The following TCF7L2 variants were observed in gnomAD, a reference collection of about 807,000 sequenced individuals.
TCF7L2 encodes the protein transcription factor 7-like 2.
TCF7L2 carries 23 observed loss-of-function variants against 77.9 expected under a neutral mutation model. The observed-to-expected ratio is 0.30, with a 90% CI of 0.21 to 0.42. TCF7L2 has a LOEUF of 0.42. TCF7L2 is among the 10% of genes least tolerant of loss of function. TCF7L2 has a pLI of 1.00. For missense variants in TCF7L2, 654 were observed against 793.1 expected (o/e 0.82, Z 2.11); for synonymous variants, 413 against 340.2 (o/e 1.21, Z -2.36).
At chr10:112,958,001 G>A (rs1207066045) in intron 3 of TCF7L2, among the ~76,000 whole-genome samples, 3 of 152,148 alleles carry the variant, frequency 2.0e-5, no homozygotes, top group Admixed American at 1.3e-4. Context: ...GACCCAGGCC[G>A]AAAGGTTTTC....
At chr10:113,110,241 T>C (rs2062945421) in intron 5 of TCF7L2, among the ~76,000 whole-genome samples, 1 of 152,208 alleles carries the variant, frequency 6.6e-6, no homozygotes, top group Non-Finnish European at 1.5e-5. Flanking sequence ...GTTGTTATAC[T>C]AGGTTCTAAT....
At chr10:112,992,309 T>C (rs994548926) in intron 4 of TCF7L2, among the ~76,000 whole-genome samples, 1 of 152,140 alleles carries the variant, frequency 6.6e-6, no homozygotes, top group African/African-American at 2.4e-5. Flanking sequence ...GTCGGTAGCA[T>C]AGATTCCATT....
At chr10:113,095,672 C>T (rs974375507) in intron 5 of TCF7L2, among the ~76,000 whole-genome samples, 3 of 152,204 alleles carry the variant, frequency 2.0e-5, no homozygotes, top group African/African-American at 7.2e-5. Context: ...CCTCATTGTT[C>T]ACCATTCCTT....
intron 4 of TCF7L2, among the ~76,000 whole-genome samples, chr10:112,964,832 G>A (rs1229333418): frequency 6.7e-6 from 1 of 150,178 alleles, no homozygotes; most frequent in Non-Finnish European, 1.5e-5. Flanking sequence ...TTGAATCACT[G>A]GGGGAGAAGG....
intron 5 of TCF7L2, chr10:113,129,313 T>G: frequency 2.0e-6 from 2 of 986,526 alleles, no homozygotes; most frequent in Non-Finnish European, 2.4e-6. Context: ...TCATTTTCCC[T>G]CATGGCTGAC....
chr10:113,166,612 A>G lies in TCF7L2; in HGVS notation c.*640A>G, dbSNP rs919720787. 8 of 230,144 alleles carry G rather than the reference A, an allele frequency of 3.5e-5. No homozygotes were observed. Among genetic ancestry groups the G allele is most frequent in the Non-Finnish European group, 6.0e-5 (7 of 116,140 alleles). The allele number at this position is 230,144 out of a possible 1,614,324, so 14.3% of individuals were successfully genotyped here. On this transcript the variant is annotated 3_prime_UTR_variant, in exon 14 of 14. Transcript: ENST00000627217. ...CTACTCAACACTTAATAGAATCACAACGCTGTTGGGCCAGTAGTATTTATT... is the reference window on the plus strand; with the variant it reads ...CTACTCAACACTTAATAGAATCACAGCGCTGTTGGGCCAGTAGTATTTATT...
At position 112,975,208 on chromosome 10, in the gene TCF7L2, CAT is replaced by C. The variant is rs374278557; in HGVS notation, c.450+10587_450+10588del. On this transcript the variant is annotated intron_variant, in intron 4 of 13. Transcript: ENST00000627217. ...TATAAAAAGAAACATTCACATCAAA[CAT>C]ATGTGGAGTCTTTGAAGCATCTTCA... is the stretch of plus-strand genomic sequence containing the variant. Among the ~76,000 whole-genome samples the C allele has an allele frequency of 5.7e-3, 872 of 152,312 alleles. 10 individuals are homozygous for C. Among genetic ancestry groups the C allele is most frequent in the African/African-American group, 0.019 (799 of 41,566 alleles).
At chr10:113,060,059 A>G (rs1042247760) in intron 5 of TCF7L2, among the ~76,000 whole-genome samples, 4 of 152,238 alleles carry the variant, frequency 2.6e-5, no homozygotes, top group Non-Finnish European at 5.9e-5. Flanking sequence ...GTGATTTCTG[A>G]TAACATTTAC....
At chr10:113,085,411 C>T (rs913518108) in intron 5 of TCF7L2, among the ~76,000 whole-genome samples, 1 of 151,938 alleles carries the variant, frequency 6.6e-6, no homozygotes, top group Non-Finnish European at 1.5e-5. Context: ...TCTCTGGAGG[C>T]CTTTGTATTT....
intron 4 of TCF7L2, among the ~76,000 whole-genome samples, chr10:112,996,491 C>G (rs1172492304): frequency 6.6e-6 from 1 of 152,206 alleles, no homozygotes; most frequent in Admixed American, 6.5e-5. Flanking sequence ...GATGGTTGCA[C>G]TCTCAAACCA....
At chr10:112,996,926 A>G (rs1402281044) in intron 4 of TCF7L2, among the ~76,000 whole-genome samples, 1 of 152,056 alleles carries the variant, frequency 6.6e-6, no homozygotes, top group African/African-American at 2.4e-5. Flanking sequence ...TGGCTTGGGG[A>G]GAGAGAGGAA....
In TCF7L2 at chr10:113,158,663, T is replaced by C. The variant is rs746018642; in HGVS notation, c.1318+594T>C. 5.6e-5 allele frequency: 90 copies of C among 1,613,674 alleles called. No individual in the cohort carries two copies. The highest frequency in any genetic ancestry group is 1.6e-4 in the Middle Eastern group (1 of 6,084). ...GCTTTGTATAATTTGTTCTTTTTTTTCAGAACACAGCGAATGTTTCCTAAA... is the reference window on the plus strand; with the variant it reads ...GCTTTGTATAATTTGTTCTTTTTTTCCAGAACACAGCGAATGTTTCCTAAA... On this transcript the variant is annotated intron_variant, in intron 12 of 13. Transcript: ENST00000627217.
At chr10:113,144,673 C>T (rs1209537392) in intron 7 of TCF7L2, among the ~76,000 whole-genome samples, 3 of 152,216 alleles carry the variant, frequency 2.0e-5, no homozygotes, top group African/African-American at 7.2e-5. Context: ...TTTTACCTAA[C>T]TGTGAACGGT....
At chr10:113,031,752 G>A (rs544559651) in intron 4 of TCF7L2, among the ~76,000 whole-genome samples, 1 of 152,140 alleles carries the variant, frequency 6.6e-6, no homozygotes, top group African/African-American at 2.4e-5. Flanking sequence ...GCCTCTTAAA[G>A]TGCTGGGATT....
At chr10:112,969,272 A>G (rs971125705) in intron 4 of TCF7L2, among the ~76,000 whole-genome samples, 2 of 152,194 alleles carry the variant, frequency 1.3e-5, no homozygotes, top group African/African-American at 2.4e-5. Flanking sequence ...GGCCACACTC[A>G]GCATATGTCT....
chr10:112,958,765 A>G (rs1213921887), intron 3 of TCF7L2, among the ~76,000 whole-genome samples: 1 of 152,190 alleles, frequency 6.6e-6, no homozygotes, highest in Non-Finnish European at 1.5e-5. Flanking sequence ...AAAGTGAAAT[A>G]AAAGGCACTA....
chr10:113,106,403 G>A (rs748822410), intron 5 of TCF7L2, among the ~76,000 whole-genome samples: 2 of 152,102 alleles, frequency 1.3e-5, no homozygotes, highest in Admixed American at 6.5e-5. Flanking sequence ...CTTTCCCCTC[G>A]GCCACCTCCG....
chr10:113,040,473 GAA>G lies in TCF7L2; in HGVS notation c.552+348_552+349del, dbSNP rs2052245205. Among the ~76,000 whole-genome samples, 16 of 152,328 alleles carry G rather than the reference GAA, an allele frequency of 1.1e-4. 1 individual carries two copies. In the South Asian group the frequency reaches 3.3e-3, roughly 32 times the overall value. On this transcript the variant is annotated intron_variant, in intron 5 of 13. Coordinates refer to ENST00000627217, the MANE Select transcript of TCF7L2 (RefSeq NM_001146274.2). ...TTATAAAAATACATTCAGGGCAGGT[GAA>G]GTGAAGAAGAGGGAATTAGAAAACT...
intron 11 of TCF7L2, among the ~76,000 whole-genome samples, chr10:113,153,893 A>C (rs1382021221): frequency 6.6e-6 from 1 of 152,064 alleles, no homozygotes; most frequent in East Asian, 1.9e-4. Context: ...CTTTCTTCTC[A>C]TACTTTTAAA....
Sources: gnomAD v4.1 joint callset for allele counts (sites outside exome capture counted in the v4.1 genomes callset) on GRCh38, gnomAD v4.1.1 for gene constraint, MANE v1.5 for transcripts, NCBI Gene and HGNC (gene_info 2026-07-23, HGNC 2026-07-21) for gene names.